The following SLC5A4 variants were observed in gnomAD, a reference collection of about 807,000 sequenced individuals.
SLC5A4 encodes the protein solute carrier family 5 member 4, also known as probable glucose sensor protein SLC5A4.
SLC5A4 carries 55 observed loss-of-function variants against 70.3 expected under a neutral mutation model. That is an observed-to-expected ratio of 0.78 (90% CI 0.63 to 0.98). The LOEUF (loss-of-function observed/expected upper bound fraction) is 0.98. Among genes scored for constraint, SLC5A4 ranks in the 50% least tolerant of loss-of-function variants. SLC5A4 has a pLI of 0.00. For missense variants in SLC5A4, 735 were observed against 839.2 expected, an observed-to-expected ratio of 0.88 and a Z score of 1.53; for synonymous variants, 268 against 305.7, an observed-to-expected ratio of 0.88 and a Z score of 1.29.
the SLC5A4 span, among the ~76,000 whole-genome samples, chr22:32,301,840 TACA>T: frequency 5.0e-5 from 3 of 59,664 alleles, no homozygotes; most frequent in Non-Finnish European, 8.9e-5. Flanking sequence ...TAATTTAAAG[TACA>T]AAAAAAAAAA....
At chr22:32,263,448 A>T in the SLC5A4 span, among the ~76,000 whole-genome samples, 2 of 152,354 alleles carry the variant, frequency 1.3e-5, no homozygotes, top group Admixed American at 6.5e-5. Context: ...ATATGAAAAA[A>T]AGCTCATCAT....
At chr22:32,288,755 A>G in the SLC5A4 span, among the ~76,000 whole-genome samples, 30 of 152,222 alleles carry the variant, frequency 2.0e-4, no homozygotes, top group Middle Eastern at 0.01. Context: ...CTTGTTGGTC[A>G]GGTTGGTCTC....
the SLC5A4 span, among the ~76,000 whole-genome samples, chr22:32,299,487 C>A: frequency 9.5e-6 from 1 of 105,652 alleles, no homozygotes; most frequent in Non-Finnish European, 2.0e-5. Context: ...AGTTCTCGAG[C>A]CTTGGTTTTC....
At chr22:32,336,811 C>A in the SLC5A4 span, among the ~76,000 whole-genome samples, 1 of 152,266 alleles carries the variant, frequency 6.6e-6, no homozygotes, top group Admixed American at 6.5e-5. Flanking sequence ...ATTTTCTACA[C>A]ATCACTGGAC....
the SLC5A4 span, among the ~76,000 whole-genome samples, chr22:32,351,100 T>C: frequency 6.6e-6 from 1 of 152,140 alleles, no homozygotes; most frequent in Non-Finnish European, 1.5e-5. Flanking sequence ...AATTTGCTTA[T>C]GCAGATGACA....
the SLC5A4 span, among the ~76,000 whole-genome samples, chr22:32,314,774 A>G: frequency 6.6e-6 from 1 of 152,212 alleles, no homozygotes; most frequent in South Asian, 2.1e-4. Context: ...GGTGAAAGGC[A>G]AGGAGGAGCA....
the SLC5A4 span, among the ~76,000 whole-genome samples, chr22:32,335,800 T>TC: frequency 2.3e-5 from 1 of 43,318 alleles, no homozygotes; most frequent in Admixed American, 3.1e-4. Flanking sequence ...AGGTGACAAG[T>TC]CCCCCTCTCC....
chr22:32,313,043 C>A, the SLC5A4 span, among the ~76,000 whole-genome samples: 1 of 151,658 alleles, frequency 6.6e-6, no homozygotes, highest in Non-Finnish European at 1.5e-5. Context: ...CTGGCTCATG[C>A]AATAAGGCAA....
At chr22:32,321,282 G>A in the SLC5A4 span, among the ~76,000 whole-genome samples, 2 of 104,724 alleles carry the variant, frequency 1.9e-5, no homozygotes, top group East Asian at 4.0e-4. Context: ...ATGAAACTCC[G>A]TCTCTAAATA....
rs1169115054 is a variant in SLC5A4 at position 32,251,149 on chromosome 22, C to CAAA, written c.312+618_312+620dup. Among the ~76,000 whole-genome samples, 26 of 22,768 alleles carry CAAA rather than the reference C, an allele frequency of 1.1e-3. 1 individual carries two copies. The highest frequency in any genetic ancestry group is 5.6e-3 in the South Asian group (2 of 358). 14.9% of individuals were successfully genotyped at this position (22,768 alleles called of 152,430 possible). On this transcript the variant is annotated intron_variant, in intron 3 of 14. Transcript: ENST00000266086. ...AAGAAGACAACAACAAACAAATAAG[C>CAAA]AAAAAAAAAAAAAAAAAAAAAAAAA...
At chr22:32,309,654 TACAC>T in the SLC5A4 span, among the ~76,000 whole-genome samples, 8 of 151,876 alleles carry the variant, frequency 5.3e-5, no homozygotes, top group Non-Finnish European at 1.2e-4. Flanking sequence ...GGGGATTGAA[TACAC>T]ACACACACCT....
chr22:32,331,718 G>A, the SLC5A4 span, among the ~76,000 whole-genome samples: 2 of 152,100 alleles, frequency 1.3e-5, no homozygotes, highest in Non-Finnish European at 2.9e-5. Flanking sequence ...TGGGAAGCAA[G>A]GGACATCGCA....
intron 8 of SLC5A4, among the ~76,000 whole-genome samples, chr22:32,234,606 G>A (rs1026651508): frequency 6.6e-6 from 1 of 152,156 alleles, no homozygotes; most frequent in Non-Finnish European, 1.5e-5. Flanking sequence ...GGCTGAGGCA[G>A]GAGAATCACC....
upstream of SLC5A4, among the ~76,000 whole-genome samples, chr22:32,257,398 A>G (rs1927540786): frequency 6.6e-6 from 1 of 152,192 alleles, no homozygotes; most frequent in Non-Finnish European, 1.5e-5. Context: ...TCTGTCACCC[A>G]GGCTGGAGTG....
the SLC5A4 span, among the ~76,000 whole-genome samples, chr22:32,316,729 G>T: frequency 6.6e-6 from 1 of 151,416 alleles, no homozygotes; most frequent in East Asian, 1.9e-4. Flanking sequence ...GTAGAAATGA[G>T]ATTTCACCAT....
rs924682077 is a variant in SLC5A4, at chr22:32,218,563, G to C, written c.1931C>G (p.Ala644Gly). The C allele has an allele frequency of 1.1e-5, 17 of 1,613,874 alleles. No individual in the cohort carries two copies. Among genetic ancestry groups the C allele is most frequent in the Non-Finnish European group, 1.4e-5 (17 of 1,179,968 alleles). Residue 644 changes from alanine to glycine, a missense_variant, in exon 15 of 15, where the codon GCC (alanine) becomes GGC (glycine). Coordinates refer to ENST00000266086, the MANE Select transcript of SLC5A4 (RefSeq NM_014227.3). ...GACCACCACAGCCAGGAGGAGGATGGCGTTGATGTTCACTATTGTCCTCCA... is the reference window on the plus strand; with the variant it reads ...GACCACCACAGCCAGGAGGAGGATGCCGTTGATGTTCACTATTGTCCTCCA... ...PSWRTIVNIN[A>G]ILLLAVVVFI...
chr22:32,271,256 T>G, the SLC5A4 span: 1 of 788,182 alleles, frequency 1.3e-6, no homozygotes, highest in Non-Finnish European at 2.2e-6. Context: ...CGGGTCCTCA[T>G]GGACAGCTCC....
Position 32,225,696 on chromosome 22 carries a change from CA to C in SLC5A4, c.1407del (p.Val470SerfsTer20). On this transcript the variant is annotated frameshift_variant, in exon 12 of 15. Transcript: ENST00000266086. LOFTEE classifies it high-confidence loss of function. ...TTACAGAAGATGGCAAGCACAAAGACAGCTGCAATTGGAGGCCCAAGGTAGC... is the reference window on the plus strand; with the variant it reads ...TTACAGAAGATGGCAAGCACAAAGACGCTGCAATTGGAGGCCCAAGGTAGC... Reference protein sequence around the residue: ...ISSYLGPPIAAVFVLAIFCKR... With the variant: ...ISSYLGPPIAXVFVLAIFCKR... 1 of 1,613,368 alleles carries C rather than the reference CA, an allele frequency of 6.2e-7. No individual in the cohort carries two copies. The highest frequency in any genetic ancestry group is 8.5e-7 in the Non-Finnish European group (1 of 1,179,626).
the SLC5A4 span, chr22:32,268,329 T>A: frequency 2.6e-4 from 39 of 152,166 alleles, no homozygotes; most frequent in African/African-American, 9.2e-4. Context: ...CGAGTCGATG[T>A]CTCATCTCCC....
Sources: gnomAD v4.1 joint callset for allele counts (sites outside exome capture counted in the v4.1 genomes callset) on GRCh38, gnomAD v4.1.1 for gene constraint, MANE v1.5 for transcripts, NCBI Gene and HGNC (gene_info 2026-07-23, HGNC 2026-07-21) for gene names.